The following MELK variants were observed in gnomAD, a reference collection of about 807,000 sequenced individuals.
The protein encoded by MELK is pEg3 kinase.
Under a neutral mutation model 85.0 loss-of-function variants are expected in MELK, and 81 were observed. The ratio of observed to expected loss-of-function variants is 0.95; its 90% CI spans 0.80 to 1.15. The LOEUF is 1.15. Ranked by LOEUF, MELK falls within the 50% of genes most tolerant of loss-of-function variation. The probability of loss-of-function intolerance (pLI) is 0.00; values close to 1 mark genes in which losing one functional copy is unlikely to be tolerated. For synonymous variants in MELK, 252 were observed against 265.0 expected (o/e 0.95, Z 0.48); for missense variants, 754 against 777.5 (o/e 0.97, Z 0.36).
chr9:36,605,232 G>A (rs1475365486), intron 7 of MELK, among the ~76,000 whole-genome samples: 1 of 150,430 alleles, frequency 6.6e-6, no homozygotes, highest in Non-Finnish European at 1.5e-5. Flanking sequence ...TTTTTGAGAT[G>A]GAGTCTCGCT....
At chr9:36,592,178 T>C (rs181258079) in intron 4 of MELK, among the ~76,000 whole-genome samples, 1,537 of 146,668 alleles carry the variant, frequency 0.01, 15 homozygotes, top group Non-Finnish European at 0.016. Context: ...TTTTCTTTTT[T>C]TTTTTTTTTT....
At chr9:36,658,780 C>T (rs964020300) in intron 13 of MELK, among the ~76,000 whole-genome samples, 1 of 152,078 alleles carries the variant, frequency 6.6e-6, no homozygotes, top group Non-Finnish European at 1.5e-5. Context: ...CTGCTCACTG[C>T]AACCTCTGCC....
chr9:36,617,108 A>G (rs1042805146), intron 8 of MELK, among the ~76,000 whole-genome samples: 4 of 152,148 alleles, frequency 2.6e-5, no homozygotes, highest in African/African-American at 9.7e-5. Context: ...TGGTGGGTCA[A>G]AGATATGTGA....
intron 10 of MELK, among the ~76,000 whole-genome samples, chr9:36,634,133 C>T (rs1051827393): frequency 3.3e-5 from 5 of 152,162 alleles, no homozygotes; most frequent in African/African-American, 9.7e-5. Context: ...TAACACATTT[C>T]GTTATACAAC....
intron 3 of MELK, among the ~76,000 whole-genome samples, chr9:36,585,549 C>T (rs1332784608): frequency 6.6e-6 from 1 of 152,032 alleles, no homozygotes; most frequent in African/African-American, 2.4e-5. Flanking sequence ...TCAAGTGATG[C>T]ACCCACCTCG....
chr9:36,612,364 G>A (rs1826142198), intron 8 of MELK, among the ~76,000 whole-genome samples: 1 of 151,548 alleles, frequency 6.6e-6, no homozygotes, highest in Admixed American at 6.6e-5. Context: ...CAAAATGCTG[G>A]GATTACAGGC....
At chr9:36,596,565 TTTTTTTG>T (rs1358779384) in intron 5 of MELK, among the ~76,000 whole-genome samples, 8 of 104,148 alleles carry the variant, frequency 7.7e-5, no homozygotes, top group African/African-American at 5.2e-4. Flanking sequence ...CCCTTTTTGT[TTTTTTTG>T]TTTTTTTTGT....
intron 16 of MELK, among the ~76,000 whole-genome samples, chr9:36,673,572 C>T (rs986562853): frequency 1.1e-4 from 17 of 152,116 alleles, no homozygotes; most frequent in African/African-American, 3.9e-4. Context: ...GGGATGCGTG[C>T]TACCACACTT....
chr9:36,594,539 C>G (rs1823976057), intron 4 of MELK, 89 bp from the exon 5 acceptor site: 1 of 1,443,282 alleles, frequency 6.9e-7, no homozygotes, highest in Admixed American at 1.9e-5. Flanking sequence ...TTAATAATAT[C>G]TCTGAGTTAA....
In MELK at chr9:36,621,275, GAAAAAAAAAAAAAAA is replaced by G. The variant is rs74181196; in HGVS notation, c.667-8996_667-8982del. On this transcript the variant is annotated intron_variant, in intron 8 of 17. Coordinates refer to ENST00000298048, the MANE Select transcript of MELK (RefSeq NM_014791.4). ...TGACAGAGTGAGACTCTGTCTCAGG[GAAAAAAAAAAAAAAA>G]AAAAAAAAAAAAAAAAAAAAAAAAA... is the stretch of plus-strand genomic sequence containing the variant. Among the ~76,000 whole-genome samples the G allele has an allele frequency of 4.5e-3, 145 of 32,436 alleles. 1 individual carries two copies. Among genetic ancestry groups the G allele is most frequent in the East Asian group, 0.016 (13 of 820 alleles). The allele number at this position is 32,436 out of a possible 152,430, so 21.3% of individuals were successfully genotyped here.
rs1169751874 is a variant in MELK, at chr9:36,665,569, A to G, written c.1396A>G (p.Thr466Ala). 3.1e-6 allele frequency: 5 copies of G among 1,609,990 alleles called. No homozygotes were observed. Among genetic ancestry groups the G allele is most frequent in the Non-Finnish European group, 4.2e-6 (5 of 1,177,378 alleles). ...ACTCACTACGCCAAATCGTTACACTACACCCTCAAAAGGTATTTGCTAAGT... is the reference window on the plus strand; with the variant it reads ...ACTCACTACGCCAAATCGTTACACTGCACCCTCAAAAGGTATTTGCTAAGT... ...EILTTPNRYT[T>A]PSKARNQCLK... The change falls in exon 14 of 18, where the codon ACA (threonine) becomes GCA (alanine). Residue 466 changes from threonine (T) to alanine (A), a missense_variant. Transcript: ENST00000298048.
intron 8 of MELK, among the ~76,000 whole-genome samples, chr9:36,622,730 C>T (rs1163207087): frequency 6.6e-6 from 1 of 152,204 alleles, no homozygotes; most frequent in Non-Finnish European, 1.5e-5. Flanking sequence ...CAAGTTGTCT[C>T]TTTATGAAAT....
chr9:36,630,193 G>T, intron 8 of MELK, 106 bp from the exon 9 acceptor site: 1 of 808,428 alleles, frequency 1.2e-6, no homozygotes, highest in Non-Finnish European at 2.1e-6. Flanking sequence ...TATTGTAGTT[G>T]GGTGAAGTCT....
At chr9:36,666,751 G>T (rs1832370065) in intron 14 of MELK, among the ~76,000 whole-genome samples, 1 of 152,110 alleles carries the variant, frequency 6.6e-6, no homozygotes, top group African/African-American at 2.4e-5. Flanking sequence ...ATATTTGCTA[G>T]AAGTCCCATT....
At chr9:36,593,560 C>T (rs1823863646) in intron 4 of MELK, among the ~76,000 whole-genome samples, 1 of 152,184 alleles carries the variant, frequency 6.6e-6, no homozygotes. Context: ...ATAAATTACC[C>T]AGCGTAAGGT....
intron 13 of MELK, among the ~76,000 whole-genome samples, chr9:36,662,893 G>T (rs1329781858): frequency 6.6e-6 from 1 of 152,126 alleles, no homozygotes; most frequent in African/African-American, 2.4e-5. Flanking sequence ...CACACCATCT[G>T]TGTGGTGTCT....
intron 7 of MELK, 46 bp from the exon 8 acceptor site, chr9:36,607,529 T>A (rs1033878683): frequency 7.3e-7 from 1 of 1,376,876 alleles, no homozygotes; most frequent in Non-Finnish European, 1.0e-6. Context: ...TGAAATATGT[T>A]TGAATTTTTG....
rs1266087996 is a variant in MELK, at chr9:36,633,092, T to G, written c.736-10T>G. 6.3e-7 allele frequency: 1 copy of G among 1,582,708 alleles called. No homozygotes were observed. Among genetic ancestry groups the G allele is most frequent in the Non-Finnish European group, 8.6e-7 (1 of 1,160,942 alleles). The stretch of plus-strand genomic sequence containing the variant: ...ATGTTAATCTCTAGCTACTTTTTAA[T>G]GGCCACTAGGTGGACCCAAAGAAAC... On this transcript the variant is annotated splice_polypyrimidine_tract_variant and intron_variant, in intron 9 of 17. Transcript: ENST00000298048.
chr9:36,657,425 A>C, intron 13 of MELK, 62 bp downstream of exon 13: 2 of 1,513,228 alleles, frequency 1.3e-6, no homozygotes, highest in Non-Finnish European at 1.8e-6. Flanking sequence ...AAACAACCAG[A>C]CTAATGTGAA....
Sources: allele counts gnomAD v4.1 joint callset (sites outside exome capture counted in the v4.1 genomes callset), GRCh38; gene constraint gnomAD v4.1.1; transcripts MANE v1.5; gene names NCBI Gene and HGNC (gene_info 2026-07-23, HGNC 2026-07-21).